Variants in ERCC1 observed in about 807,000 individuals in gnomAD.
ERCC1 encodes ERCC excision repair 1, endonuclease non-catalytic subunit, also known as DNA excision repair protein ERCC-1.
ERCC1 carries 36 observed loss-of-function variants against 37.6 expected under a neutral mutation model. The observed-to-expected ratio is 0.96, with a 90% confidence interval of 0.73 to 1.26. The LOEUF (loss-of-function observed/expected upper bound fraction) is 1.26, where lower values mean the gene tolerates loss of function less well. Among genes scored for constraint, ERCC1 ranks in the 50% most tolerant of loss-of-function variants. The probability of loss-of-function intolerance (pLI) is 0.00; values close to 1 mark genes in which losing one functional copy is unlikely to be tolerated. For missense variants in ERCC1, 349 were observed against 376.5 expected (o/e 0.93, Z 0.60); for synonymous variants, 156 against 162.1 (o/e 0.96, Z 0.28).
intron 9 of ERCC1, among the ~76,000 whole-genome samples, chr19:45,411,460 T>C (rs895091287): frequency 2.6e-5 from 1 of 39,102 alleles, no homozygotes; most frequent in African/African-American, 3.7e-4. Flanking sequence ...CCATTTGTTA[T>C]TGCCTGTCCA....
chr19:45,413,800 C>T (rs1003394854), intron 8 of ERCC1, 55 bp from the exon 9 acceptor site: 3 of 1,609,404 alleles, frequency 1.9e-6, no homozygotes, highest in Admixed American at 3.3e-5. Context: ...CTCCCCTGTC[C>T]CAGCTGAGGA....
At chr19:45,423,978 C>T, upstream of ERCC1, 10 of 1,064,906 alleles carry the variant, frequency 9.4e-6, no homozygotes, top group Non-Finnish European at 1.0e-5. Context: ...CTCTGTACAA[C>T]TCTCTATGGT....
At chr19:45,437,796 G>A (rs1039110697) in intron 1 of ERCC1, among the ~76,000 whole-genome samples, 1 of 152,196 alleles carries the variant, frequency 6.6e-6, no homozygotes, top group Non-Finnish European at 1.5e-5. Context: ...GCACAGCATG[G>A]TAACCACAGT....
chr19:45,415,799 A>T (rs762103837), intron 6 of ERCC1: 1 of 455,976 alleles, frequency 2.2e-6, no homozygotes, highest in South Asian at 1.5e-5. Flanking sequence ...CTCCCTGGGT[A>T]ACCCTGGGCC....
intron 9 of ERCC1, 53 bp from the exon 10 acceptor site, chr19:45,409,778 C>T: frequency 1.3e-6 from 1 of 742,138 alleles, no homozygotes; most frequent in South Asian, 1.4e-5. Context: ...GAGCTGTTTC[C>T]TGGGTAAATC....
At chr19:45,437,047 C>T (rs911121281) in intron 1 of ERCC1, among the ~76,000 whole-genome samples, 76 of 152,136 alleles carry the variant, frequency 5.0e-4, no homozygotes, top group African/African-American at 1.7e-3. Flanking sequence ...GTCAGGAGTT[C>T]GAGACCAGCC....
intron 1 of ERCC1, among the ~76,000 whole-genome samples, chr19:45,439,306 T>C (rs1975058477): frequency 6.6e-6 from 1 of 152,216 alleles, no homozygotes; most frequent in African/African-American, 2.4e-5. Context: ...CGGTTCATGC[T>C]GCAATGCCTC....
At chr19:45,413,479 T>A in intron 9 of ERCC1, 198 bp downstream of exon 9, 1 of 1,136,368 alleles carries the variant, frequency 8.8e-7, no homozygotes, top group Non-Finnish European at 1.3e-6. Context: ...AGGTGTCCAC[T>A]TGCCCAGGCT....
rs545753812 is a variant in ERCC1 at position 45,408,009 on chromosome 19, A to G, written c.*1666T>C. 32,685 of 1,270,670 alleles carry G rather than the reference A, an allele frequency of 0.026. 494 individuals are homozygous for G. The highest frequency in any genetic ancestry group is 0.031 in the Non-Finnish European group (29,260 of 940,218). The allele number at this position is 1,270,670 out of a possible 1,614,324, so 78.7% of individuals were successfully genotyped here. Reference sequence around the variant, plus strand: ...GTGGACATTGCAGTGAGCCGAGATCATGCCACTGCACTCCAGCCTAGGCAA... The same window carrying G: ...GTGGACATTGCAGTGAGCCGAGATCGTGCCACTGCACTCCAGCCTAGGCAA... On this transcript the variant is annotated 3_prime_UTR_variant, in exon 10 of 10. Coordinates refer to ENST00000300853, the MANE Select transcript of ERCC1 (RefSeq NM_001983.4).
intron 9 of ERCC1, chr19:45,410,010 G>C (rs1973613144): frequency 6.0e-6 from 1 of 166,330 alleles, no homozygotes; most frequent in Non-Finnish European, 1.2e-5. Flanking sequence ...TCCTGCCTCA[G>C]CCTCCTGAGT....
chr19:45,444,579 G>A (rs1296311024), intron 1 of ERCC1, among the ~76,000 whole-genome samples: 1 of 152,172 alleles, frequency 6.6e-6, no homozygotes, highest in Non-Finnish European at 1.5e-5. Flanking sequence ...GCAGAAACCC[G>A]GAGACTGAGG....
chr19:45,409,826 C>G (rs1174773700), intron 9 of ERCC1, 101 bp from the exon 10 acceptor site: 1 of 710,230 alleles, frequency 1.4e-6, no homozygotes, highest in Non-Finnish European at 2.6e-6. Context: ...CCCCTATACC[C>G]TCAAGCATTT....
At chr19:45,416,765 G>A (rs1974093925) in intron 6 of ERCC1, 56 bp downstream of exon 6, 1 of 1,348,264 alleles carries the variant, frequency 7.4e-7, no homozygotes, top group Non-Finnish European at 1.1e-6. Context: ...TGGGATGGGG[G>A]AGCAGGGACC....
chr19:45,424,826 G>C (rs1289647052), upstream of ERCC1, among the ~76,000 whole-genome samples: 1 of 151,744 alleles, frequency 6.6e-6, no homozygotes, highest in African/African-American at 2.4e-5. Flanking sequence ...GTGTTTATGC[G>C]CAACTATTTA....
At chr19:45,443,202 C>T (rs1975164881) in intron 1 of ERCC1, among the ~76,000 whole-genome samples, 1 of 152,088 alleles carries the variant, frequency 6.6e-6, no homozygotes, top group South Asian at 2.1e-4. Context: ...GGCCAGGCTC[C>T]AAGGAGGTAT....
chr19:45,439,029 A>G (rs977253520), intron 1 of ERCC1, among the ~76,000 whole-genome samples: 1 of 152,048 alleles, frequency 6.6e-6, no homozygotes, highest in Admixed American at 6.6e-5. Flanking sequence ...TCTACTAAAA[A>G]TACAAAATTA....
intron 1 of ERCC1, among the ~76,000 whole-genome samples, chr19:45,448,136 T>G (rs1967005616): frequency 6.6e-6 from 1 of 152,154 alleles, no homozygotes. Context: ...CCTCCCAAAG[T>G]GTTGGGATTA....
At chr19:45,413,874 G>A (rs1973886629) in intron 8 of ERCC1, 89 bp downstream of exon 8, 11 of 1,569,632 alleles carry the variant, frequency 7.0e-6, no homozygotes, top group Middle Eastern at 1.7e-4. Flanking sequence ...GCAAGGGGTG[G>A]GCAGGGAGAT....
intron 5 of ERCC1, 121 bp from the exon 6 acceptor site, chr19:45,417,018 AC>A: frequency 1.4e-6 from 1 of 731,352 alleles, no homozygotes; most frequent in Non-Finnish European, 2.4e-6. Flanking sequence ...AACTGCTTGA[AC>A]CCGGGAGGCA....
Sources: gnomAD v4.1 joint callset for allele counts (sites outside exome capture counted in the v4.1 genomes callset) on GRCh38, gnomAD v4.1.1 for gene constraint, MANE v1.5 for transcripts, NCBI Gene and HGNC (gene_info 2026-07-23, HGNC 2026-07-21) for gene names.